The following NAALADL2 variants were observed in gnomAD, a reference collection of about 807,000 sequenced individuals.
The protein encoded by NAALADL2 is N-acetylated alpha-linked acidic dipeptidase like 2.
In NAALADL2, 76 loss-of-function variants were observed where a neutral mutation model predicts 87.2. The ratio of observed to expected loss-of-function variants is 0.87; its 90% CI spans 0.72 to 1.05. The LOEUF is 1.05. Ranked by LOEUF, NAALADL2 falls within the 50% of genes least tolerant of loss-of-function variation. The pLI, the probability that NAALADL2 is intolerant of heterozygous loss-of-function variation, is 0.00. For missense variants in NAALADL2, 1,089 were observed against 945.8 expected, an observed-to-expected ratio of 1.15 and a Z score of -1.99; for synonymous variants, 354 against 331.0, an observed-to-expected ratio of 1.07 and a Z score of -0.75.
intron 1 of NAALADL2, among the ~76,000 whole-genome samples, chr3:175,045,320 C>T (rs535286002): frequency 6.6e-6 from 1 of 152,252 alleles, no homozygotes; most frequent in Non-Finnish European, 1.5e-5. Flanking sequence ...TCTTCTCCTC[C>T]ATTATCTTTG....
At chr3:174,869,122 A>G (rs1380945018) in intron 1 of NAALADL2, among the ~76,000 whole-genome samples, 1 of 152,164 alleles carries the variant, frequency 6.6e-6, no homozygotes, top group African/African-American at 2.4e-5. Context: ...GTCAAACAGC[A>G]AGGATTTGGT....
intron 2 of NAALADL2, among the ~76,000 whole-genome samples, chr3:174,694,029 C>G (rs559385266): frequency 6.6e-6 from 1 of 152,132 alleles, no homozygotes; most frequent in African/African-American, 2.4e-5. Flanking sequence ...TAGTGTCTTT[C>G]TTTCCACAAG....
At chr3:175,325,995 T>C (rs1760661152) in intron 5 of NAALADL2, among the ~76,000 whole-genome samples, 1 of 152,202 alleles carries the variant, frequency 6.6e-6, no homozygotes, top group Non-Finnish European at 1.5e-5. Context: ...AATTTTTCTG[T>C]TCTACTTCTC....
At chr3:174,451,639 C>A (rs926601230) in intron 1 of NAALADL2, among the ~76,000 whole-genome samples, 1 of 152,110 alleles carries the variant, frequency 6.6e-6, no homozygotes, top group South Asian at 2.1e-4. Context: ...TAGTCTATAT[C>A]TCTGATTATT....
rs200024864 is a variant in NAALADL2 at position 174,596,013 on chromosome 3, A to AAAAC, written c.-115+45400_-115+45403dup. Among the ~76,000 whole-genome samples the AAAAC allele has an allele frequency of 2.7e-3, 410 of 152,110 alleles. 1 individual carries two copies. The highest frequency in any genetic ancestry group is 7.7e-3 in the African/African-American group (318 of 41,462). ...GGCACAAGAGCCAAATTCCATCTCA[A>AAAAC]AAACAAACAAACAAACAAACAAACA... On this transcript the variant is annotated intron_variant, in intron 2 of 3. Transcript: ENST00000434257.
chr3:174,828,840 GT>G (rs1470776272), intron 3 of NAALADL2, among the ~76,000 whole-genome samples: 3 of 152,116 alleles, frequency 2.0e-5, no homozygotes, highest in African/African-American at 7.2e-5. Context: ...GGTCCAATCA[GT>G]TAAACTGTGG....
At chr3:175,161,299 A>T (rs1169564167) in intron 2 of NAALADL2, among the ~76,000 whole-genome samples, 5 of 152,110 alleles carry the variant, frequency 3.3e-5, no homozygotes, top group Admixed American at 3.3e-4. Context: ...TAGCTCACAA[A>T]GTCAATGTGA....
At chr3:174,700,952 A>T (rs1729490172) in intron 2 of NAALADL2, among the ~76,000 whole-genome samples, 2 of 152,254 alleles carry the variant, frequency 1.3e-5, no homozygotes, top group South Asian at 4.1e-4. Flanking sequence ...TGTAGGAGGA[A>T]CAAAAGAATG....
intron 1 of NAALADL2, among the ~76,000 whole-genome samples, chr3:174,925,622 C>T (rs1735902340): frequency 6.6e-6 from 1 of 152,096 alleles, no homozygotes; most frequent in Non-Finnish European, 1.5e-5. Context: ...TCATTGGTAG[C>T]TTGATGGGGA....
intron 9 of NAALADL2, among the ~76,000 whole-genome samples, chr3:175,547,260 T>G (rs1713495772): frequency 1.3e-5 from 2 of 151,906 alleles, no homozygotes; most frequent in East Asian, 3.9e-4. Context: ...GAAATAAGAC[T>G]GTACACCTAC....
chr3:174,674,561 C>T (rs1170215715), intron 2 of NAALADL2, among the ~76,000 whole-genome samples: 1 of 151,722 alleles, frequency 6.6e-6, no homozygotes, highest in African/African-American at 2.4e-5. Context: ...AAGGGTTTTA[C>T]ACATAATACT....
intron 11 of NAALADL2, among the ~76,000 whole-genome samples, chr3:175,728,864 C>T (rs1426910306): frequency 6.6e-6 from 1 of 152,166 alleles, no homozygotes; most frequent in African/African-American, 2.4e-5. Flanking sequence ...TTCCCAGTAA[C>T]TGAGAATTCT....
At chr3:174,811,584 G>A (rs1720216698) in intron 3 of NAALADL2, among the ~76,000 whole-genome samples, 1 of 152,200 alleles carries the variant, frequency 6.6e-6, no homozygotes, top group African/African-American at 2.4e-5. Flanking sequence ...TATCTTAGGA[G>A]TAACTAAATT....
chr3:174,757,676 A>G (rs983899702), intron 3 of NAALADL2, among the ~76,000 whole-genome samples: 2 of 149,474 alleles, frequency 1.3e-5, no homozygotes, highest in African/African-American at 4.9e-5. Flanking sequence ...ATTTTATTTT[A>G]TTTTTTTTTG....
chr3:175,750,383 C>G (rs866782812), intron 12 of NAALADL2, among the ~76,000 whole-genome samples: 4 of 152,088 alleles, frequency 2.6e-5, no homozygotes, highest in Non-Finnish European at 2.9e-5. Context: ...TATTGACTAA[C>G]ATTTCTCTCT....
chr3:175,046,962 GC>G (rs1468495255), intron 1 of NAALADL2, among the ~76,000 whole-genome samples: 1 of 152,104 alleles, frequency 6.6e-6, no homozygotes, highest in African/African-American at 2.4e-5. Context: ...AGATCAAAGT[GC>G]CAGAAGATTC....
chr3:174,610,893 T>C (rs1335586667), intron 2 of NAALADL2, among the ~76,000 whole-genome samples: 3 of 152,120 alleles, frequency 2.0e-5, no homozygotes, highest in African/African-American at 7.2e-5. Context: ...CTGTTCACAA[T>C]AGCAAAGACT....
At chr3:174,483,769 T>G (rs535503760) in intron 1 of NAALADL2, among the ~76,000 whole-genome samples, 1 of 152,012 alleles carries the variant, frequency 6.6e-6, no homozygotes, top group Admixed American at 6.6e-5. Context: ...AGCAAAAGGC[T>G]CTGAGCAAAA....
chr3:175,326,597 T>C (rs1760732346), intron 5 of NAALADL2, among the ~76,000 whole-genome samples: 1 of 152,186 alleles, frequency 6.6e-6, no homozygotes, highest in Non-Finnish European at 1.5e-5. Context: ...AACTGAGTAA[T>C]TTATAAAGAG....
Sources: gnomAD v4.1 joint callset for allele counts (sites outside exome capture counted in the v4.1 genomes callset) on GRCh38, gnomAD v4.1.1 for gene constraint, MANE v1.5 for transcripts, NCBI Gene and HGNC (gene_info 2026-07-23, HGNC 2026-07-21) for gene names.